The following LAMA4 variants were observed in gnomAD, a reference collection of about 807,000 sequenced individuals.
LAMA4 encodes laminin subunit alpha 4, also known as laminin subunit alpha-4.
LAMA4 carries 127 observed loss-of-function variants against 207.1 expected under a neutral mutation model. The observed-to-expected ratio is 0.61, with a 90% confidence interval of 0.53 to 0.71. The LOEUF is 0.71. Ranked by LOEUF, LAMA4 falls within the 30% of genes least tolerant of loss-of-function variation. The pLI, the probability that LAMA4 is intolerant of heterozygous loss-of-function variation, is 0.00. For missense variants in LAMA4, 2,093 were observed against 2,246.5 expected, an observed-to-expected ratio of 0.93 and a Z score of 1.38; for synonymous variants, 761 against 816.0, an observed-to-expected ratio of 0.93 and a Z score of 1.15.
chr6:112,212,130 C>T (rs1429041094), intron 3 of LAMA4, among the ~76,000 whole-genome samples: 2 of 151,850 alleles, frequency 1.3e-5, no homozygotes, highest in Admixed American at 1.3e-4. Flanking sequence ...CTGTCACCAA[C>T]TCAGGTGAGG....
intron 24 of LAMA4, among the ~76,000 whole-genome samples, chr6:112,136,475 T>C (rs1039228186): frequency 6.6e-6 from 1 of 152,126 alleles, no homozygotes; most frequent in Non-Finnish European, 1.5e-5. Context: ...GTGGATCACT[T>C]GAGGCCAGGA....
rs1779683491 is a variant in LAMA4, at chr6:112,141,381, G to A, written c.2790C>T (p.Tyr930=). 1.2e-6 allele frequency: 2 copies of A among 1,614,040 alleles called. No individual in the cohort carries two copies. The highest frequency in any genetic ancestry group is 1.7e-5 in the Admixed American group (1 of 60,008). Residue 930 remains tyrosine, a synonymous_variant, in exon 21 of 39, where the codon TAC becomes TAT. Coordinates refer to ENST00000230538, the MANE Select transcript of LAMA4 (RefSeq NM_001105206.3). ...DSKPVSSWPA[Y]FSIVKIERVG... ...ACCTTTCAATCTTGACAATGCTGAA[G>A]TAAGCAGGCCAGGAACTGACGGGCT...
chr6:112,218,125 T>C (rs969685960), intron 2 of LAMA4: 1 of 152,146 alleles, frequency 6.6e-6, no homozygotes, highest in African/African-American at 2.4e-5. Context: ...GACCCATGAA[T>C]GTGTTGCAGT....
At chr6:112,119,560 T>A (rs1238129459) in intron 33 of LAMA4, among the ~76,000 whole-genome samples, 1 of 152,270 alleles carries the variant, frequency 6.6e-6, no homozygotes, top group Non-Finnish European at 1.5e-5. Context: ...ATACAGCATA[T>A]GCCTTTATTG....
intron 38 of LAMA4, among the ~76,000 whole-genome samples, chr6:112,113,705 A>G (rs1777838628): frequency 6.6e-6 from 1 of 152,226 alleles, no homozygotes; most frequent in Admixed American, 6.5e-5. Context: ...AAGGGGAGCA[A>G]CTAACAGCAA....
intron 5 of LAMA4, among the ~76,000 whole-genome samples, chr6:112,197,197 C>T (rs1264869705): frequency 6.6e-6 from 1 of 152,054 alleles, no homozygotes; most frequent in African/African-American, 2.4e-5. Context: ...GAAAGCTTGC[C>T]AGCTGATCTG....
chr6:112,156,976 T>C (rs1261714921), intron 14 of LAMA4, among the ~76,000 whole-genome samples: 1 of 152,166 alleles, frequency 6.6e-6, no homozygotes, highest in Admixed American at 6.5e-5. Context: ...AATAATGGTA[T>C]TAATCTTTAT....
At chr6:112,143,227 A>T (rs1554333748) in intron 19 of LAMA4, among the ~76,000 whole-genome samples, 1 of 150,776 alleles carries the variant, frequency 6.6e-6, no homozygotes, top group African/African-American at 2.4e-5. Context: ...TCAAGGCTCT[A>T]TTTCCAAATG....
chr6:112,169,399 G>A (rs1172543928), intron 12 of LAMA4, among the ~76,000 whole-genome samples: 4 of 152,198 alleles, frequency 2.6e-5, no homozygotes, highest in Admixed American at 2.0e-4. Context: ...GTAATAGCAA[G>A]GCTAATCCAC....
chr6:112,192,229 A>C (rs1783163849), intron 5 of LAMA4, among the ~76,000 whole-genome samples: 1 of 152,230 alleles, frequency 6.6e-6, no homozygotes, highest in African/African-American at 2.4e-5. Context: ...CCTAGCCACA[A>C]CGTTAATAGC....
chr6:112,184,123 G>A (rs1159023195), intron 9 of LAMA4, among the ~76,000 whole-genome samples: 4 of 152,000 alleles, frequency 2.6e-5, no homozygotes, highest in Non-Finnish European at 4.4e-5. Flanking sequence ...GGATTAATAT[G>A]TGCCATTGCC....
intron 18 of LAMA4, among the ~76,000 whole-genome samples, chr6:112,145,373 G>A (rs1013654311): frequency 7.2e-5 from 11 of 152,230 alleles, no homozygotes; most frequent in African/African-American, 2.7e-4. Flanking sequence ...GGTGCCCAAA[G>A]AGAGAGTAAC....
At chr6:112,145,044 T>A in intron 18 of LAMA4, 111 bp from the exon 19 acceptor site, 1 of 1,072,956 alleles carries the variant, frequency 9.3e-7, no homozygotes, top group Non-Finnish European at 1.4e-6. Context: ...GAGAAATGAT[T>A]TTTAATCCTG....
At chr6:112,128,262 A>G (rs1338206830) in intron 31 of LAMA4, among the ~76,000 whole-genome samples, 2 of 152,220 alleles carry the variant, frequency 1.3e-5, no homozygotes, top group Admixed American at 6.5e-5. Context: ...CAGACTGTTC[A>G]TTGGAACAAG....
intron 3 of LAMA4, among the ~76,000 whole-genome samples, chr6:112,208,222 A>T (rs1171781543): frequency 1.3e-5 from 2 of 152,206 alleles, no homozygotes; most frequent in African/African-American, 4.8e-5. Flanking sequence ...TGCCTTAGTC[A>T]CACCGATGCA....
intron 2 of LAMA4, 163 bp from the exon 3 acceptor site, chr6:112,216,632 C>A: frequency 3.0e-6 from 2 of 658,312 alleles, no homozygotes; most frequent in Non-Finnish European, 5.5e-6. Context: ...ACTATTTATA[C>A]TACCATTCAG....
intron 4 of LAMA4, among the ~76,000 whole-genome samples, chr6:112,206,519 G>C (rs115321673): frequency 6.6e-6 from 1 of 152,052 alleles, no homozygotes; most frequent in Non-Finnish European, 1.5e-5. Context: ...AGGTCAAAAC[G>C]TAGCCAGAAA....
intron 31 of LAMA4, among the ~76,000 whole-genome samples, chr6:112,128,204 T>C (rs999062684): frequency 2.6e-5 from 4 of 152,128 alleles, no homozygotes; most frequent in African/African-American, 4.8e-5. Context: ...ATTTCAACCA[T>C]TGTAAAGGAA....
chr6:112,168,914 T>A (rs1277626827), intron 12 of LAMA4, among the ~76,000 whole-genome samples: 1 of 152,132 alleles, frequency 6.6e-6, no homozygotes. Context: ...ACAGAAGTAC[T>A]CATGGATGAG....
Sources: allele counts gnomAD v4.1 joint callset (sites outside exome capture counted in the v4.1 genomes callset), GRCh38; gene constraint gnomAD v4.1.1; transcripts MANE v1.5; gene names NCBI Gene and HGNC (gene_info 2026-07-23, HGNC 2026-07-21).